Variants in FBXL5 observed in about 807,000 individuals in gnomAD.
FBXL5 encodes F-box/LRR-repeat protein 5.
In FBXL5, 26 loss-of-function variants were observed where a neutral mutation model predicts 78.3. The observed-to-expected ratio is 0.33, with a 90% confidence interval of 0.24 to 0.46. FBXL5 has a LOEUF of 0.46. FBXL5 is among the 20% of genes least tolerant of loss of function. The probability of loss-of-function intolerance (pLI) is 1.00; values close to 1 mark genes in which losing one functional copy is unlikely to be tolerated. For synonymous variants in FBXL5, 295 were observed against 282.5 expected (o/e 1.04, Z -0.45); for missense variants, 710 against 829.2 (o/e 0.86, Z 1.77).
intron 9 of FBXL5, among the ~76,000 whole-genome samples, chr4:15,616,805 C>A (rs929110083): frequency 2.1e-4 from 32 of 152,202 alleles, no homozygotes; most frequent in South Asian, 6.2e-4. Context: ...AGCTCAAATC[C>A]TTCTCCCGTT....
rs557448858 is a variant in FBXL5 at position 15,616,323 on chromosome 4, T to C, written c.1851-3909A>G. Among the ~76,000 whole-genome samples, 178 of 152,294 alleles carry C rather than the reference T, an allele frequency of 1.2e-3. 1 individual carries two copies. Among genetic ancestry groups the C allele is most frequent in the African/African-American group, 4.0e-3 (166 of 41,570 alleles). ...TCTGTCATACAGGTCACCCGGGAAG[T>C]GGGGGAAAGCTGGCAGTGACAGGCC... On this transcript the variant is annotated intron_variant, in intron 9 of 10. Transcript: ENST00000341285.
intron 9 of FBXL5, among the ~76,000 whole-genome samples, chr4:15,620,204 A>G (rs374305009): frequency 7.9e-5 from 12 of 152,348 alleles, no homozygotes; most frequent in Middle Eastern, 3.4e-3. Flanking sequence ...ATCAAAGAAA[A>G]TAAAATATTA....
chr4:15,658,622 A>G (rs1037124931), upstream of FBXL5, among the ~76,000 whole-genome samples: 1 of 152,200 alleles, frequency 6.6e-6, no homozygotes, highest in African/African-American at 2.4e-5. Context: ...AGTCGCCACC[A>G]GAAAAAAGGC....
rs1380674076 is a variant in FBXL5, at chr4:15,604,927, A to G, written c.*796T>C. 1 of 152,238 alleles carries G rather than the reference A, an allele frequency of 6.6e-6. No homozygotes were observed. The highest frequency in any genetic ancestry group is 2.4e-5 in the African/African-American group (1 of 41,462). The allele number at this position is 152,238 out of a possible 1,614,324, so 9.4% of individuals were successfully genotyped here. ...GGGTAATAAGTTCATGGGAGGTCCA[A>G]AGACAAAGTATGTAGTCCTATTCTA... On this transcript the variant is annotated 3_prime_UTR_variant, in exon 11 of 11. Transcript: ENST00000341285.
intron 9 of FBXL5, among the ~76,000 whole-genome samples, chr4:15,623,004 T>G (rs1712639596): frequency 6.6e-6 from 1 of 152,170 alleles, no homozygotes; most frequent in Admixed American, 6.5e-5. Flanking sequence ...GTTGATAATA[T>G]CAGAATTTGT....
At chr4:15,628,772 G>C (rs867067804) in intron 6 of FBXL5, among the ~76,000 whole-genome samples, 3 of 140,400 alleles carry the variant, frequency 2.1e-5, no homozygotes, top group East Asian at 2.0e-4. Flanking sequence ...GCCAGACACA[G>C]ACACACACAC....
rs567730486 is a variant in FBXL5, at chr4:15,618,782, C to T, written c.1851-6368G>A. On this transcript the variant is annotated intron_variant, in intron 9 of 10. Coordinates refer to ENST00000341285, the MANE Select transcript of FBXL5 (RefSeq NM_012161.4). ...GCTAGAGCCCAGGAGGCGGAGGTTA[C>T]AGTTGAGCCAAGATTGTGCCATTGC... Among the ~76,000 whole-genome samples, 3 of 152,270 alleles carry T rather than the reference C, an allele frequency of 2.0e-5. No individual in the cohort carries two copies. The East Asian group carries it at 5.8e-4, about 29-fold the overall frequency.
chr4:15,676,893 C>A (rs940780860), intron 1 of FBXL5, among the ~76,000 whole-genome samples: 4 of 152,054 alleles, frequency 2.6e-5, no homozygotes, highest in African/African-American at 9.7e-5. Flanking sequence ...AAGCTAAGAA[C>A]AAAATCTTAA....
chr4:15,644,348 A>G, intron 2 of FBXL5, 145 bp downstream of exon 2: 1 of 665,152 alleles, frequency 1.5e-6, no homozygotes, highest in South Asian at 2.0e-5. Flanking sequence ...CTTTTTAAAT[A>G]GTCTTCCTTG....
intron 1 of FBXL5, among the ~76,000 whole-genome samples, chr4:15,649,097 G>A (rs1281709027): frequency 6.6e-6 from 1 of 151,324 alleles, no homozygotes; most frequent in Non-Finnish European, 1.5e-5. Flanking sequence ...ACAGGTTGAA[G>A]AAATAAGATT....
At position 15,639,620 on chromosome 4, in the gene FBXL5, C is replaced by T. The variant is rs147877917; in HGVS notation, c.397-926G>A. Among the ~76,000 whole-genome samples the T allele has an allele frequency of 2.2e-4, 34 of 152,160 alleles. No homozygotes were observed. The East Asian group carries it at 6.4e-3, about 28-fold the overall frequency. ...GCTTTTTTTGTTTTGTTTTCACTTC[C>T]ACAGATAATTGTGATGGATATCATA... On this transcript the variant is annotated intron_variant, in intron 3 of 10. Transcript: ENST00000341285.
intron 1 of FBXL5, among the ~76,000 whole-genome samples, chr4:15,645,853 T>G (rs985533967): frequency 6.6e-6 from 1 of 152,246 alleles, no homozygotes; most frequent in African/African-American, 2.4e-5. Flanking sequence ...TATTCATTTT[T>G]TATAAATTCA....
At chr4:15,610,597 C>G (rs1366051279) in intron 10 of FBXL5, among the ~76,000 whole-genome samples, 1 of 151,948 alleles carries the variant, frequency 6.6e-6, no homozygotes, top group African/African-American at 2.4e-5. Flanking sequence ...GGACAAAGTG[C>G]AAAAGATTTT....
At chr4:15,662,377 C>T (rs907992566), upstream of FBXL5, among the ~76,000 whole-genome samples, 1 of 152,006 alleles carries the variant, frequency 6.6e-6, no homozygotes, top group African/African-American at 2.4e-5. Context: ...TAGGTCCTCA[C>T]TTAATAAACT....
chr4:15,638,751 A>G, intron 3 of FBXL5, 57 bp from the exon 4 acceptor site: 1 of 1,084,006 alleles, frequency 9.2e-7, no homozygotes, highest in South Asian at 1.5e-5. Flanking sequence ...GATTTACTCT[A>G]AACCCTTTTA....
intron 1 of FBXL5, among the ~76,000 whole-genome samples, chr4:15,679,439 C>T (rs1371169820): frequency 6.6e-6 from 1 of 151,740 alleles, no homozygotes; most frequent in Non-Finnish European, 1.5e-5. Context: ...ACCCAAGTCT[C>T]TTGTTTTTGA....
intron 1 of FBXL5, among the ~76,000 whole-genome samples, chr4:15,674,535 CTT>C (rs34733356): frequency 6.6e-6 from 1 of 152,038 alleles, no homozygotes; most frequent in East Asian, 1.9e-4. Context: ...GTAATCATAA[CTT>C]TTTTCCTTAC....
Position 15,630,741 on chromosome 4 carries a change from C to T in FBXL5, c.817G>A (p.Glu273Lys), listed in dbSNP as rs1392562296. Residue 273 changes from glutamate to lysine, a missense_variant, in exon 6 of 11, where the codon GAA becomes AAA. By Grantham distance (56) the Glu-to-Lys change is moderately conservative (BLOSUM62 1). Around this residue, in one of 4 missense-constraint regions of FBXL5, gnomAD observed 517 missense variants for 542.9 expected, o/e 0.95. Transcript: ENST00000341285. ...ATELDTEPDD[E>K]WVKNRKDESR... ...TCATCTTTCCTATTTTTCACCCATT[C>T]ATCATCAGGTTCAGTATCAAGTTCA... is the stretch of plus-strand genomic sequence containing the variant. 6.2e-7 allele frequency: 1 copy of T among 1,609,464 alleles called. No individual in the cohort carries two copies. The highest frequency in any genetic ancestry group is 8.5e-7 in the Non-Finnish European group (1 of 1,178,632).
At chr4:15,615,373 G>C (rs910828706) in intron 9 of FBXL5, among the ~76,000 whole-genome samples, 3 of 152,030 alleles carry the variant, frequency 2.0e-5, no homozygotes, top group African/African-American at 7.2e-5. Context: ...AGCCAGCTGG[G>C]CTCCTGAGTC....
Sources: allele counts gnomAD v4.1 joint callset (sites outside exome capture counted in the v4.1 genomes callset), GRCh38; gene constraint gnomAD v4.1.1; regional missense constraint gnomAD v4.1.1; transcripts MANE v1.5; gene names NCBI Gene and HGNC (gene_info 2026-07-23, HGNC 2026-07-21).